TACR1: variants seen among roughly 807,000 people sequenced by gnomAD.
The protein encoded by TACR1 is substance-P receptor.
A neutral mutation model predicts 35.8 loss-of-function variants in TACR1; 25 were observed. The ratio of observed to expected loss-of-function variants is 0.70; its 90% CI spans 0.51 to 0.98. The LOEUF is 0.98. Among genes scored for constraint, TACR1 ranks in the 50% least tolerant of loss-of-function variants. The probability of loss-of-function intolerance (pLI) is 0.00; values close to 1 mark genes in which losing one functional copy is unlikely to be tolerated. For synonymous variants in TACR1, 195 were observed against 206.7 expected, an observed-to-expected ratio of 0.94 and a Z score of 0.48; for missense variants, 478 against 522.9, an observed-to-expected ratio of 0.91 and a Z score of 0.84.
intron 2 of TACR1, among the ~76,000 whole-genome samples, chr2:75,102,721 A>C (rs187211761): frequency 6.6e-6 from 1 of 152,146 alleles, no homozygotes; most frequent in Non-Finnish European, 1.5e-5. Flanking sequence ...TTTATACCCA[A>C]TCAAGCAGCC....
chr2:75,118,233 G>T (rs1015036993), intron 2 of TACR1, among the ~76,000 whole-genome samples: 4 of 152,182 alleles, frequency 2.6e-5, no homozygotes, highest in African/African-American at 9.7e-5. Context: ...AATGTATTAT[G>T]AAGGATACTG....
chr2:75,112,980 G>T (rs896911449), intron 2 of TACR1, among the ~76,000 whole-genome samples: 1 of 152,118 alleles, frequency 6.6e-6, no homozygotes, highest in Admixed American at 6.5e-5. Flanking sequence ...AGTTGTCTTT[G>T]TTAGCTTTCT....
chr2:75,195,456 G>A (rs557651517), intron 1 of TACR1, among the ~76,000 whole-genome samples: 11 of 148,558 alleles, frequency 7.4e-5, no homozygotes, highest in African/African-American at 2.7e-4. Flanking sequence ...CCTGTAGAAA[G>A]ACTACAGGAA....
rs565968720 is a variant in TACR1 at position 75,187,757 on chromosome 2, A to G, written c.389+10789T>C. 3.9e-5 allele frequency: 6 copies of G among 152,354 alleles called. No individual in the cohort carries two copies. The East Asian group carries it at 7.7e-4, about 20-fold the overall frequency. 9.4% of individuals were successfully genotyped at this position (152,354 alleles called of 1,614,324 possible). ...TGAAGCAGGATTGGGGAGTGCCTCA[A>G]TGCAGACTGTAGCTGGTTATAACAT... is the stretch of plus-strand genomic sequence containing the variant. On this transcript the variant is annotated intron_variant, in intron 1 of 4. Coordinates refer to ENST00000305249, the MANE Select transcript of TACR1 (RefSeq NM_001058.4).
chr2:75,120,610 T>C lies in TACR1; in HGVS notation c.548A>G (p.Glu183Gly). 1 of 1,610,358 alleles carries C rather than the reference T, an allele frequency of 6.2e-7. No individual in the cohort carries two copies. The highest frequency in any genetic ancestry group is 8.5e-7 in the Non-Finnish European group (1 of 1,178,084). ...AATCTTGTTCGGATGCTCTGGCCATTCGATCATGCACACGACTCTGCTGGG... is the reference window on the plus strand; with the variant it reads ...AATCTTGTTCGGATGCTCTGGCCATCCGATCATGCACACGACTCTGCTGGG... ...TMPSRVVCMI[E>G]WPEHPNKIYE... The change falls in exon 2 of 5, where the codon GAA becomes GGA. Residue 183 changes from glutamate (E) to glycine (G), a missense_variant. Physicochemically the swap from Glu to Gly is moderately conservative, Grantham distance 98. Coordinates refer to ENST00000305249, the MANE Select transcript of TACR1 (RefSeq NM_001058.4).
At chr2:75,152,916 T>A (rs1339890361) in intron 1 of TACR1, among the ~76,000 whole-genome samples, 1 of 152,190 alleles carries the variant, frequency 6.6e-6, no homozygotes, top group Non-Finnish European at 1.5e-5. Context: ...TTGTTTGGTA[T>A]TTTGTGAGAC....
At chr2:75,067,055 A>T (rs1039934145) in intron 2 of TACR1, among the ~76,000 whole-genome samples, 1 of 152,196 alleles carries the variant, frequency 6.6e-6, no homozygotes, top group Non-Finnish European at 1.5e-5. Flanking sequence ...TGCAGATTGG[A>T]TGAGGGAGAG....
chr2:75,167,933 G>C (rs1675184658), intron 1 of TACR1, among the ~76,000 whole-genome samples: 1 of 152,078 alleles, frequency 6.6e-6, no homozygotes, highest in Non-Finnish European at 1.5e-5. Flanking sequence ...AATTGAAGCA[G>C]ATACATGGTC....
intron 1 of TACR1, among the ~76,000 whole-genome samples, chr2:75,170,908 G>A (rs183242194): frequency 1.3e-5 from 2 of 152,234 alleles, no homozygotes; most frequent in Non-Finnish European, 2.9e-5. Context: ...ACAAAGATAT[G>A]GTTTGGAATT....
intron 1 of TACR1, among the ~76,000 whole-genome samples, chr2:75,182,222 G>C (rs1006249710): frequency 1.3e-5 from 2 of 152,174 alleles, no homozygotes; most frequent in Non-Finnish European, 2.9e-5. Flanking sequence ...TTTTTATTCA[G>C]GAAGAGACGC....
intron 1 of TACR1, among the ~76,000 whole-genome samples, chr2:75,158,079 A>G (rs1674908037): frequency 6.6e-6 from 1 of 152,230 alleles, no homozygotes; most frequent in Non-Finnish European, 1.5e-5. Context: ...GAATGCATCA[A>G]AGATCATAGA....
At chr2:75,082,638 C>T (rs1414104761) in intron 2 of TACR1, among the ~76,000 whole-genome samples, 1 of 152,208 alleles carries the variant, frequency 6.6e-6, no homozygotes, top group Non-Finnish European at 1.5e-5. Flanking sequence ...GAGATGATAT[C>T]TCATTGTGGT....
intron 1 of TACR1, among the ~76,000 whole-genome samples, chr2:75,160,595 G>A (rs574279098): frequency 2.0e-5 from 3 of 151,350 alleles, no homozygotes; most frequent in South Asian, 2.1e-4. Context: ...TTACAAAATC[G>A]GATTCAGCAT....
chr2:75,104,497 A>G (rs1412868711), intron 2 of TACR1, among the ~76,000 whole-genome samples: 1 of 152,080 alleles, frequency 6.6e-6, no homozygotes, highest in Non-Finnish European at 1.5e-5. Flanking sequence ...GAAAATTAGT[A>G]AGGAAACATA....
chr2:75,137,728 CAAAAAAAAAAAAAAA>C (rs11326632), intron 1 of TACR1, among the ~76,000 whole-genome samples: 1 of 47,516 alleles, frequency 2.1e-5, no homozygotes, highest in Admixed American at 3.7e-4. Context: ...GTCTCCGTCT[CAAAAAAAAAAAAAAA>C]AAAAAAAAAA....
At chr2:75,149,966 A>G (rs1001744558) in intron 1 of TACR1, among the ~76,000 whole-genome samples, 1 of 152,186 alleles carries the variant, frequency 6.6e-6, no homozygotes. Context: ...GTTGAATTTT[A>G]TCAAAGGCCT....
chr2:75,143,914 C>T (rs759584235), intron 1 of TACR1, among the ~76,000 whole-genome samples: 2 of 152,102 alleles, frequency 1.3e-5, no homozygotes, highest in Non-Finnish European at 2.9e-5. Flanking sequence ...AGTGGGTGAA[C>T]GGGGTACATA....
chr2:75,149,914 G>A (rs181664584), intron 1 of TACR1, among the ~76,000 whole-genome samples: 210 of 152,216 alleles, frequency 1.4e-3, no homozygotes, highest in African/African-American at 4.5e-3. Flanking sequence ...GATATGTTCC[G>A]TCAATACCTA....
intron 2 of TACR1, among the ~76,000 whole-genome samples, chr2:75,067,518 A>G (rs557199200): frequency 6.6e-6 from 1 of 152,342 alleles, no homozygotes; most frequent in South Asian, 2.1e-4. Flanking sequence ...TGCTTGAAGT[A>G]TAGTGGGGAA....
Sources: gnomAD v4.1 joint callset for allele counts (sites outside exome capture counted in the v4.1 genomes callset) on GRCh38, gnomAD v4.1.1 for gene constraint, MANE v1.5 for transcripts, NCBI Gene and HGNC (gene_info 2026-07-23, HGNC 2026-07-21) for gene names.